The following FRY variants were observed in gnomAD, a reference collection of about 807,000 sequenced individuals.
The protein encoded by FRY is FRY microtubule binding protein, also known as protein furry homolog.
A neutral mutation model predicts 348.4 loss-of-function variants in FRY; 128 were observed. That is an observed-to-expected ratio of 0.37 (90% CI 0.32 to 0.43). FRY has a LOEUF of 0.43. Among genes scored for constraint, FRY ranks in the 20% least tolerant of loss-of-function variants. The probability of loss-of-function intolerance (pLI) is 1.00; values close to 1 mark genes in which losing one functional copy is unlikely to be tolerated. For synonymous variants in FRY, 1,370 were observed against 1,374.7 expected (o/e 1.00, Z 0.08); for missense variants, 2,736 against 3,695.2 (o/e 0.74, Z 6.73).
At chr13:32,258,036 A>G in intron 51 of FRY, 1 of 1,304,372 alleles carries the variant, frequency 7.7e-7, no homozygotes. Flanking sequence ...GCAGATTTAT[A>G]ACAACATAAT....
chr13:32,087,665 G>A (rs1425623044), intron 2 of FRY, among the ~76,000 whole-genome samples: 1 of 152,104 alleles, frequency 6.6e-6, no homozygotes, highest in Non-Finnish European at 1.5e-5. Flanking sequence ...TGTAAAAGAG[G>A]TTTTTTCACC....
At chr13:32,218,933 A>G (rs1379487932) in intron 36 of FRY, 102 bp downstream of exon 36, 1 of 724,960 alleles carries the variant, frequency 1.4e-6, no homozygotes, top group Non-Finnish European at 2.5e-6. Flanking sequence ...AAAAGGGCCT[A>G]TAGATATTAA....
At chr13:32,238,950 A>G (rs1886363196) in intron 44 of FRY, among the ~76,000 whole-genome samples, 2 of 152,184 alleles carry the variant, frequency 1.3e-5, no homozygotes. Context: ...TCAAACTAGT[A>G]CTCAGTTTGG....
At chr13:32,223,177 C>T (rs1313459771) in intron 36 of FRY, among the ~76,000 whole-genome samples, 5 of 151,752 alleles carry the variant, frequency 3.3e-5, no homozygotes, top group African/African-American at 1.2e-4. Flanking sequence ...AGGCTGGTCT[C>T]GAACTCCTGA....
chr13:32,142,243 GC>G (rs1300006923), intron 11 of FRY, among the ~76,000 whole-genome samples: 6 of 152,176 alleles, frequency 3.9e-5, no homozygotes, highest in Admixed American at 3.3e-4. Context: ...ATGCTTTAAA[GC>G]CACTGAGGCC....
chr13:32,097,864 A>C (rs1453669624), intron 2 of FRY, among the ~76,000 whole-genome samples: 2 of 152,082 alleles, frequency 1.3e-5, no homozygotes, highest in Non-Finnish European at 2.9e-5. Flanking sequence ...CAACATTTGA[A>C]TGTACTTAGT....
chr13:32,144,308 A>T (rs1172197612), intron 11 of FRY, among the ~76,000 whole-genome samples: 1 of 150,572 alleles, frequency 6.6e-6, no homozygotes, highest in Non-Finnish European at 1.5e-5. Context: ...TATAAAGTTC[A>T]TCTAGAATAA....
intron 53 of FRY, among the ~76,000 whole-genome samples, chr13:32,264,595 T>G (rs909128504): frequency 3.3e-5 from 5 of 152,176 alleles, no homozygotes; most frequent in Non-Finnish European, 7.4e-5. Context: ...GAACAATCAG[T>G]CCTCCTTTTC....
chr13:32,208,928 A>G lies in FRY; in HGVS notation c.4094A>G (p.His1365Arg). The change falls in exon 32 of 61, where the codon CAC (histidine) becomes CGC (arginine). Residue 1365 changes from histidine (H) to arginine (R), a missense_variant. By Grantham distance (29) the His-to-Arg change is conservative. Around this residue, in one of 9 missense-constraint regions of FRY, gnomAD observed 794 missense variants for 977.0 expected, o/e 0.81. Coordinates refer to ENST00000542859, the MANE Select transcript of FRY (RefSeq NM_023037.3). ...IMLTYLLPWLHNIELVDSRLL... is the reference protein window; with the variant it reads ...IMLTYLLPWLRNIELVDSRLL... ...CTTACCTACCTGCTGCCCTGGCTGC[A>G]CAACATCGAGCTGGTGGACAGCAGG... 6.2e-7 allele frequency: 1 copy of G among 1,614,180 alleles called. No homozygotes were observed. The highest frequency in any genetic ancestry group is 8.5e-7 in the Non-Finnish European group (1 of 1,180,026).
At chr13:32,126,113 T>G (rs1252299656) in intron 7 of FRY, among the ~76,000 whole-genome samples, 1 of 152,238 alleles carries the variant, frequency 6.6e-6, no homozygotes, top group East Asian at 1.9e-4. Flanking sequence ...CATTAGCATT[T>G]TAAATGGACA....
At chr13:32,085,854 C>G (rs773298885) in intron 2 of FRY, 13 of 518,728 alleles carry the variant, frequency 2.5e-5, no homozygotes, top group Non-Finnish European at 1.2e-5. Context: ...ATGGCATTGA[C>G]AGAGACACAA....
rs75076990 is a variant in FRY, at chr13:32,278,471, G to A, written c.8392G>A (p.Ala2798Thr). 6.4e-7 allele frequency: 1 copy of A among 1,569,660 alleles called. No individual in the cohort carries two copies. The highest frequency in any genetic ancestry group is 2.2e-5 in the East Asian group (1 of 44,624). The change falls in exon 58 of 61, where the codon GCA becomes ACA. Residue 2798 changes from alanine (A) to threonine (T), a missense_variant. Ala to Thr is a moderately conservative substitution (Grantham distance 58). Coordinates refer to ENST00000542859, the MANE Select transcript of FRY (RefSeq NM_023037.3). ...TTCCCTCTCTTTCTGACAGTGGCTT[G>A]CAAATTGTAAGGCAACATTTGCAGG... Reference protein sequence around the residue: ...NRKEATLSWLANCKATFAGGS... With the variant: ...NRKEATLSWLTNCKATFAGGS...
Position 32,237,882 on chromosome 13 carries a change from T to C in FRY, c.6314T>C (p.Leu2105Pro). ...TTCTCCGGGCTGCAGCAGCTGCTGC[T>C]GAAAGGATTCACATCCCTCACCACC... ...ADFSGLQQLLLKGFTSLTTTD... is the reference protein window; with the variant it reads ...ADFSGLQQLLPKGFTSLTTTD... Residue 2105 changes from leucine (L) to proline (P), a missense_variant, in exon 44 of 61, where the codon CTG becomes CCG. Physicochemically the swap from Leu to Pro is moderately conservative, Grantham distance 98 (BLOSUM62 -3). Coordinates refer to ENST00000542859, the MANE Select transcript of FRY (RefSeq NM_023037.3). This position sits in a 1 kb window ranked among gnomAD's most constrained non-coding sequence, Gnocchi z 6.3. 6.2e-7 allele frequency: 1 copy of C among 1,614,182 alleles called. No homozygotes were observed. Among genetic ancestry groups the C allele is most frequent in the South Asian group, 1.1e-5 (1 of 91,082 alleles).
chr13:32,047,114 T>C (rs1243851222), intron 1 of FRY, among the ~76,000 whole-genome samples: 1 of 152,262 alleles, frequency 6.6e-6, no homozygotes, highest in East Asian at 1.9e-4. Context: ...TGTTTATCTA[T>C]ATATACCTAC....
At position 32,215,514 on chromosome 13, in the gene FRY, A is replaced by G. The variant is rs115088905; in HGVS notation, c.4682+3132A>G. Reference sequence around the variant, plus strand: ...TTTTACTAGGCATCAAAATCAACATATATTTATTAAAAGAGTAGTTTATAG... The same window carrying G: ...TTTTACTAGGCATCAAAATCAACATGTATTTATTAAAAGAGTAGTTTATAG... On this transcript the variant is annotated intron_variant, in intron 35 of 60. Coordinates refer to ENST00000542859, the MANE Select transcript of FRY (RefSeq NM_023037.3). 1.2e-3 allele frequency among the ~76,000 whole-genome samples: 188 copies of G among 152,356 alleles called. 1 individual carries two copies. Among genetic ancestry groups the G allele is most frequent in the African/African-American group, 4.3e-3 (177 of 41,590 alleles).
At chr13:32,155,361 G>C in intron 14 of FRY, 130 bp from the exon 15 acceptor site, 1 of 736,084 alleles carries the variant, frequency 1.4e-6, no homozygotes, top group Admixed American at 2.0e-5. Context: ...CTACACTCTT[G>C]TGGCTTTTAA....
intron 16 of FRY, among the ~76,000 whole-genome samples, chr13:32,160,148 A>G (rs1217642206): frequency 6.6e-6 from 1 of 152,242 alleles, no homozygotes; most frequent in East Asian, 1.9e-4. Context: ...TTTAGATTAC[A>G]CAGAGGATTG....
rs2072053041 is a variant in FRY, at chr13:32,295,844, T to G, written c.*384T>G. 9.3e-6 allele frequency: 2 copies of G among 216,014 alleles called. 1 individual carries two copies. The highest frequency in any genetic ancestry group is 1.9e-5 in the Non-Finnish European group (2 of 106,824). The allele number at this position is 216,014 out of a possible 1,614,324, so 13.4% of individuals were successfully genotyped here. On this transcript the variant is annotated 3_prime_UTR_variant, in exon 61 of 61. Coordinates refer to ENST00000542859, the MANE Select transcript of FRY (RefSeq NM_023037.3). ...CAATGTTTTCTTCACTCAAAAAATT[T>G]TATATTCTCAAACATGTATATTCTT...
intron 59 of FRY, among the ~76,000 whole-genome samples, 188 bp downstream of exon 59, chr13:32,289,931 A>G (rs1367134043): frequency 6.6e-6 from 1 of 152,216 alleles, no homozygotes; most frequent in African/African-American, 2.4e-5. Context: ...CAAAGTCAGG[A>G]GTAGGTATGG....
Sources: gnomAD v4.1 joint callset for allele counts (sites outside exome capture counted in the v4.1 genomes callset) on GRCh38, gnomAD v4.1.1 for gene constraint, gnomAD v4.1.1 regional missense constraint, Gnocchi (gnomAD v3.1) non-coding constraint, MANE v1.5 for transcripts, NCBI Gene and HGNC (gene_info 2026-07-23, HGNC 2026-07-21) for gene names.